MARCHF1: variants seen among roughly 807,000 people sequenced by gnomAD.
The protein encoded by MARCHF1 is membrane associated ring-CH-type finger 1, also known as E3 ubiquitin-protein ligase MARCHF1.
MARCHF1 carries 40 observed loss-of-function variants against 54.2 expected under a neutral mutation model. That is an observed-to-expected ratio of 0.74 (90% confidence interval 0.57 to 0.96). MARCHF1 has a LOEUF of 0.96. Ranked by LOEUF, MARCHF1 falls within the 40% of genes least tolerant of loss-of-function variation. The pLI is 0.00. For synonymous variants in MARCHF1, 236 were observed against 236.3 expected (o/e 1.00, Z 0.01); for missense variants, 586 against 656.5 (o/e 0.89, Z 1.17).
At chr4:163,805,699 T>C (rs1407897598) in intron 4 of MARCHF1, among the ~76,000 whole-genome samples, 5 of 152,198 alleles carry the variant, frequency 3.3e-5, no homozygotes, top group Non-Finnish European at 5.9e-5. Flanking sequence ...GATTGTACCA[T>C]ATTGCCTCTT....
At chr4:163,946,218 T>C (rs956925394) in intron 3 of MARCHF1, among the ~76,000 whole-genome samples, 9 of 152,318 alleles carry the variant, frequency 5.9e-5, no homozygotes, top group African/African-American at 2.2e-4. Context: ...AAATATATTT[T>C]CTACTATGTG....
At chr4:163,932,508 T>C in intron 3 of MARCHF1, 1 of 360,466 alleles carries the variant, frequency 2.8e-6, no homozygotes, top group Non-Finnish European at 5.5e-6. Flanking sequence ...ACAAACTACT[T>C]TCACCCTGAC....
chr4:163,625,633 G>A (rs749116133), intron 5 of MARCHF1, among the ~76,000 whole-genome samples: 4 of 152,168 alleles, frequency 2.6e-5, no homozygotes, highest in Non-Finnish European at 4.4e-5. Flanking sequence ...CTGTGGAAGT[G>A]GCAATTCTAC....
At chr4:164,256,432 T>TAAAAAAAAA (rs11345775) in intron 1 of MARCHF1, among the ~76,000 whole-genome samples, 4 of 121,838 alleles carry the variant, frequency 3.3e-5, no homozygotes, top group Middle Eastern at 4.4e-3. Context: ...ACAAGAAGCT[T>TAAAAAAAAA]AAAAAAAAAA....
At chr4:163,768,530 G>A (rs1270187552) in intron 4 of MARCHF1, among the ~76,000 whole-genome samples, 2 of 152,290 alleles carry the variant, frequency 1.3e-5, no homozygotes, top group East Asian at 1.9e-4. Flanking sequence ...TTGTTCAGTT[G>A]CACTGAATGA....
At chr4:164,000,577 TAGA>T (rs1753167407) in intron 2 of MARCHF1, among the ~76,000 whole-genome samples, 1 of 151,690 alleles carries the variant, frequency 6.6e-6, no homozygotes, top group South Asian at 2.1e-4. Context: ...TTATTTGGGT[TAGA>T]ACATTTGCTG....
chr4:163,573,444 C>G (rs1343763181), intron 8 of MARCHF1, among the ~76,000 whole-genome samples: 1 of 144,768 alleles, frequency 6.9e-6, no homozygotes, highest in East Asian at 2.1e-4. Context: ...GTATATCTCC[C>G]AGTGCTATCC....
intron 1 of MARCHF1, among the ~76,000 whole-genome samples, chr4:164,357,590 A>G (rs1229094562): frequency 6.6e-6 from 1 of 152,214 alleles, no homozygotes; most frequent in African/African-American, 2.4e-5. Flanking sequence ...ACACCCATGT[A>G]AGATAATAAG....
At chr4:163,589,070 G>T (rs1228644584) in intron 7 of MARCHF1, among the ~76,000 whole-genome samples, 2 of 128,058 alleles carry the variant, frequency 1.6e-5, no homozygotes, top group African/African-American at 2.8e-5. Flanking sequence ...TGTCTTATTT[G>T]AAAAAAAAAA....
At chr4:164,010,727 G>T (rs908028080) in intron 2 of MARCHF1, among the ~76,000 whole-genome samples, 5 of 151,770 alleles carry the variant, frequency 3.3e-5, no homozygotes, top group African/African-American at 1.2e-4. Flanking sequence ...ATCCCCATCA[G>T]AATACCAATG....
chr4:163,768,184 G>A (rs537358229), intron 4 of MARCHF1, among the ~76,000 whole-genome samples: 47 of 152,274 alleles, frequency 3.1e-4, no homozygotes, highest in African/African-American at 1.0e-3. Context: ...AGGAGCTTGC[G>A]CAATCTATGA....
At chr4:163,912,633 G>A (rs1751218903) in intron 3 of MARCHF1, among the ~76,000 whole-genome samples, 1 of 152,070 alleles carries the variant, frequency 6.6e-6, no homozygotes, top group African/African-American at 2.4e-5. Flanking sequence ...TCAATTATAT[G>A]GTGATCCACA....
At chr4:164,031,433 C>A (rs200541685) in intron 2 of MARCHF1, among the ~76,000 whole-genome samples, 6 of 150,228 alleles carry the variant, frequency 4.0e-5, no homozygotes, top group East Asian at 2.0e-4. Context: ...ATTTTTTTTT[C>A]AAAAAAACCA....
intron 1 of MARCHF1, among the ~76,000 whole-genome samples, chr4:164,290,560 G>A (rs1360203434): frequency 6.6e-6 from 1 of 151,770 alleles, no homozygotes; most frequent in Non-Finnish European, 1.5e-5. Context: ...ATTAAGCACA[G>A]AAGAACATTC....
At chr4:163,841,456 A>T (rs377520015) in intron 4 of MARCHF1, among the ~76,000 whole-genome samples, 34 of 7,144 alleles carry the variant, frequency 4.8e-3, no homozygotes, top group South Asian at 0.062. Flanking sequence ...TATTTTTTTT[A>T]AAAAAAGAAT....
chr4:164,298,475 T>A (rs947927693), intron 1 of MARCHF1, among the ~76,000 whole-genome samples: 3 of 152,094 alleles, frequency 2.0e-5, no homozygotes, highest in Admixed American at 1.3e-4. Context: ...ACAACCTAAT[T>A]TGTAGCCCAG....
intron 2 of MARCHF1, among the ~76,000 whole-genome samples, chr4:164,007,644 C>CTGTGTGTG (rs1390093838): frequency 9.8e-6 from 1 of 101,580 alleles, no homozygotes; most frequent in African/African-American, 3.9e-5. Context: ...CTCTCTCTCT[C>CTGTGTGTG]TCTGTGTGTG....
chr4:163,913,196 G>A (rs1379842848), intron 3 of MARCHF1, among the ~76,000 whole-genome samples: 2 of 152,144 alleles, frequency 1.3e-5, no homozygotes, highest in Non-Finnish European at 2.9e-5. Flanking sequence ...AGTGGTAAAA[G>A]CCTCGTTATG....
intron 4 of MARCHF1, among the ~76,000 whole-genome samples, chr4:163,732,273 G>T (rs575319207): frequency 9.2e-5 from 14 of 152,052 alleles, no homozygotes; most frequent in African/African-American, 3.4e-4. Context: ...AAAATGTACT[G>T]AATGGTAGCA....
Sources: allele counts gnomAD v4.1 joint callset (sites outside exome capture counted in the v4.1 genomes callset), GRCh38; gene constraint gnomAD v4.1.1; transcripts MANE v1.5; gene names NCBI Gene and HGNC (gene_info 2026-07-23, HGNC 2026-07-21).